The following MANBA variants were observed in gnomAD, a reference collection of about 807,000 sequenced individuals.
MANBA encodes mannosidase beta.
In MANBA, 83 loss-of-function variants were observed where a neutral mutation model predicts 111.1. The ratio of observed to expected loss-of-function variants is 0.75; its 90% CI spans 0.63 to 0.90. The LOEUF (loss-of-function observed/expected upper bound fraction) is 0.90, where lower values mean the gene tolerates loss of function less well. MANBA is among the 40% of genes least tolerant of loss of function. The pLI is 0.00. For synonymous variants in MANBA, 370 were observed against 378.7 expected (o/e 0.98, Z 0.27); for missense variants, 1,036 against 1,069.0 (o/e 0.97, Z 0.43).
chr4:102,745,743 A>G (rs1308159661), intron 1 of MANBA, among the ~76,000 whole-genome samples: 1 of 152,208 alleles, frequency 6.6e-6, no homozygotes, highest in Non-Finnish European at 1.5e-5. Context: ...GTTCAAATCA[A>G]TAAGTCCAGC....
At chr4:102,697,763 G>A (rs1732797387) in intron 5 of MANBA, among the ~76,000 whole-genome samples, 1 of 151,272 alleles carries the variant, frequency 6.6e-6, no homozygotes, top group South Asian at 2.1e-4. Flanking sequence ...ATCATTGTTG[G>A]ACATTTGGGT....
At chr4:102,730,269 A>T in intron 1 of MANBA, 1 of 558,318 alleles carries the variant, frequency 1.8e-6, no homozygotes, top group Non-Finnish European at 3.2e-6. Flanking sequence ...ACTTTACCAC[A>T]TATCGTCTCA....
chr4:102,714,596 G>C (rs768075969), intron 4 of MANBA, 35 bp from the exon 5 acceptor site: 2 of 1,588,944 alleles, frequency 1.3e-6, no homozygotes, highest in African/African-American at 2.7e-5. Flanking sequence ...GATATATTCT[G>C]ATTATGGTGA....
At chr4:102,718,626 A>G (rs1179855326) in intron 4 of MANBA, among the ~76,000 whole-genome samples, 2 of 152,240 alleles carry the variant, frequency 1.3e-5, no homozygotes, top group East Asian at 3.8e-4. Flanking sequence ...AGCAGAGACA[A>G]TAGGGGACTT....
In MANBA at chr4:102,630,964, CAAG is replaced by C. The variant is rs1729351021; in HGVS notation, c.*1090_*1092del. 1.3e-5 allele frequency: 2 copies of C among 152,148 alleles called. No individual in the cohort carries two copies. Among genetic ancestry groups the C allele is most frequent in the South Asian group, 4.1e-4 (2 of 4,830 alleles). 9.4% of individuals were successfully genotyped at this position (152,148 alleles called of 1,614,324 possible). ...CCCCTGGCAGAACATGCACAGGTGT[CAAG>C]AAGAGCAGTCCTCCCTGCCTCGCAG... On this transcript the variant is annotated 3_prime_UTR_variant, in exon 17 of 17. Coordinates refer to ENST00000647097, the MANE Select transcript of MANBA (RefSeq NM_005908.4).
intron 7 of MANBA, among the ~76,000 whole-genome samples, chr4:102,676,479 T>G (rs1731734305): frequency 6.6e-6 from 1 of 151,822 alleles, no homozygotes; most frequent in African/African-American, 2.4e-5. Flanking sequence ...GCTTACTAGA[T>G]GAAAAGTTAG....
intron 5 of MANBA, among the ~76,000 whole-genome samples, chr4:102,707,326 C>A (rs530216474): frequency 6.6e-6 from 1 of 152,104 alleles, no homozygotes; most frequent in African/African-American, 2.4e-5. Context: ...GATGCCATAC[C>A]CAGCAAATTT....
intron 1 of MANBA, chr4:102,727,142 C>T (rs1228687723): frequency 3.0e-5 from 9 of 301,938 alleles, no homozygotes; most frequent in East Asian, 8.6e-5. Flanking sequence ...ATCACTGTCA[C>T]GGCTGAAGTT....
At chr4:102,700,009 G>A (rs1286786280) in intron 5 of MANBA, among the ~76,000 whole-genome samples, 11 of 151,916 alleles carry the variant, frequency 7.2e-5, no homozygotes, top group Admixed American at 2.0e-4. Flanking sequence ...TGGTTGGTAA[G>A]CTATTGATTA....
intron 5 of MANBA, among the ~76,000 whole-genome samples, chr4:102,711,428 T>A (rs75542427): frequency 1.8e-3 from 275 of 152,248 alleles, no homozygotes; most frequent in African/African-American, 6.0e-3. Context: ...TTACTCCAGT[T>A]AGAATGACTA....
chr4:102,640,878 G>A (rs533389117), intron 13 of MANBA, among the ~76,000 whole-genome samples: 7 of 152,232 alleles, frequency 4.6e-5, no homozygotes, highest in African/African-American at 1.4e-4. Context: ...ATTCCAGAAC[G>A]GAAGCCAGAA....
At chr4:102,744,499 A>G (rs1332539152) in intron 1 of MANBA, among the ~76,000 whole-genome samples, 1 of 152,228 alleles carries the variant, frequency 6.6e-6, no homozygotes, top group Non-Finnish European at 1.5e-5. Flanking sequence ...GCAAAGGTAT[A>G]TTGCTGGCCT....
intron 5 of MANBA, among the ~76,000 whole-genome samples, chr4:102,707,565 A>C (rs967392423): frequency 8.5e-5 from 13 of 152,172 alleles, no homozygotes; most frequent in African/African-American, 3.1e-4. Flanking sequence ...AAAAACACCA[A>C]ACCACAGTGA....
Position 102,635,718 on chromosome 4 carries a change from T to C in MANBA, c.2157+147A>G, listed in dbSNP as rs370111525. 167 of 778,284 alleles carry C rather than the reference T, an allele frequency of 2.1e-4. 3 individuals carry two copies. Among genetic ancestry groups the C allele is most frequent in the East Asian group, 2.0e-3 (70 of 35,820 alleles). 48.2% of individuals were successfully genotyped at this position (778,284 alleles called of 1,614,324 possible). On this transcript the variant is annotated intron_variant, in intron 15 of 16. Transcript: ENST00000647097. Reference sequence around the variant, plus strand: ...GTGAAGGGTTTTGCTTATGGTCACATGATTAATGGCAGGGTTGTAGCCTGA... The same window carrying C: ...GTGAAGGGTTTTGCTTATGGTCACACGATTAATGGCAGGGTTGTAGCCTGA...
chr4:102,702,275 A>G (rs1733090857), intron 5 of MANBA, among the ~76,000 whole-genome samples: 1 of 151,490 alleles, frequency 6.6e-6, no homozygotes. Flanking sequence ...ATTCTTTTCA[A>G]AGTTTTTAAC....
intron 5 of MANBA, among the ~76,000 whole-genome samples, chr4:102,707,228 G>A (rs1355913760): frequency 1.3e-5 from 2 of 152,150 alleles, no homozygotes; most frequent in African/African-American, 2.4e-5. Context: ...ACTAACAGCA[G>A]ATCAGATTTT....
intron 12 of MANBA, among the ~76,000 whole-genome samples, chr4:102,653,151 C>T (rs1468311168): frequency 6.6e-6 from 1 of 151,560 alleles, no homozygotes; most frequent in East Asian, 1.9e-4. Flanking sequence ...AGGTAGAGTG[C>T]TGAGTGCTTC....
At chr4:102,752,116 T>G (rs745397952) in intron 1 of MANBA, 10 of 765,542 alleles carry the variant, frequency 1.3e-5, no homozygotes, top group Non-Finnish European at 2.2e-5. Flanking sequence ...ACAGAGCAGC[T>G]ATGACTCCCA....
chr4:102,703,828 G>C (rs1733171531), intron 5 of MANBA, among the ~76,000 whole-genome samples: 1 of 152,174 alleles, frequency 6.6e-6, no homozygotes, highest in Non-Finnish European at 1.5e-5. Context: ...CAGCATGGTG[G>C]CTCACGCCTG....
Sources: gnomAD v4.1 joint callset for allele counts (sites outside exome capture counted in the v4.1 genomes callset) on GRCh38, gnomAD v4.1.1 for gene constraint, MANE v1.5 for transcripts, NCBI Gene and HGNC (gene_info 2026-07-23, HGNC 2026-07-21) for gene names.